The following SPHKAP variants were observed in gnomAD, a reference collection of about 807,000 sequenced individuals.
SPHKAP encodes the protein A-kinase anchor protein SPHKAP.
Under a neutral mutation model 137.5 loss-of-function variants are expected in SPHKAP, and 67 were observed. The observed-to-expected ratio is 0.49, with a 90% confidence interval of 0.40 to 0.60. The LOEUF (loss-of-function observed/expected upper bound fraction) is 0.60. Among genes scored for constraint, SPHKAP ranks in the 20% least tolerant of loss-of-function variants. The pLI is 0.00. For missense variants in SPHKAP, 2,097 were observed against 2,069.3 expected (o/e 1.01, Z -0.26); for synonymous variants, 813 against 785.3 (o/e 1.04, Z -0.59).
chr2:228,082,610 T>C (rs1697398430), intron 3 of SPHKAP, among the ~76,000 whole-genome samples: 1 of 152,148 alleles, frequency 6.6e-6, no homozygotes, highest in African/African-American at 2.4e-5. Context: ...ACAAGGATAT[T>C]GTTCAGTCAC....
At chr2:228,157,977 C>T (rs1324839901) in intron 1 of SPHKAP, among the ~76,000 whole-genome samples, 1 of 152,154 alleles carries the variant, frequency 6.6e-6, no homozygotes, top group South Asian at 2.1e-4. Context: ...TGCATGAGAC[C>T]AATGTGGAAA....
intron 1 of SPHKAP, among the ~76,000 whole-genome samples, chr2:228,174,956 C>A (rs10192586): frequency 0.13 from 18,492 of 147,492 alleles, 1,156 homozygotes; most frequent in East Asian, 0.2. Context: ...GTAGAATGAA[C>A]TTAGCCAAGG....
intron 3 of SPHKAP, among the ~76,000 whole-genome samples, chr2:228,108,367 G>A (rs1698408075): frequency 6.6e-6 from 1 of 152,112 alleles, no homozygotes; most frequent in African/African-American, 2.4e-5. Flanking sequence ...ATATTAAAAT[G>A]TATGACTGTT....
intron 7 of SPHKAP, among the ~76,000 whole-genome samples, chr2:227,997,373 C>G (rs980012158): frequency 6.6e-6 from 1 of 152,128 alleles, no homozygotes; most frequent in African/African-American, 2.4e-5. Context: ...GCTGTAGATT[C>G]CTGTTCCACG....
rs761969836 is a variant in SPHKAP at position 228,018,594 on chromosome 2, A to T, written c.2260T>A (p.Ser754Thr). ...CAAGCTTGACTAGCACCCGGATCAG[A>T]TGGCTGGCAGCTTGGTTCTGTCTCC... ...RRETEPSCQP[S>T]DPGASQAWTK... is the part of the protein sequence containing the mutation. Residue 754 changes from serine (S) to threonine (T), a missense_variant, in exon 7 of 12, where the codon TCT becomes ACT. Ser to Thr is a moderately conservative substitution (Grantham distance 58). Transcript: ENST00000392056. 3 of 1,613,892 alleles carry T rather than the reference A, an allele frequency of 1.9e-6. No individual in the cohort carries two copies. Among genetic ancestry groups the T allele is most frequent in the Admixed American group, 1.7e-5 (1 of 59,992 alleles).
At chr2:228,151,356 C>A (rs555716410) in intron 1 of SPHKAP, among the ~76,000 whole-genome samples, 1 of 151,452 alleles carries the variant, frequency 6.6e-6, no homozygotes, top group South Asian at 2.1e-4. Context: ...GGGTTGGTTC[C>A]AAGTCTTTGC....
chr2:228,019,929 T>G lies in SPHKAP; in HGVS notation c.925A>C (p.Lys309Gln), dbSNP rs779957157. 6.2e-7 allele frequency: 1 copy of G among 1,614,246 alleles called. No individual in the cohort carries two copies. Among genetic ancestry groups the G allele is most frequent in the South Asian group, 1.1e-5 (1 of 91,088 alleles). The change falls in exon 7 of 12, where the codon AAA (lysine) becomes CAA (glutamine). Residue 309 changes from lysine (K) to glutamine (Q), a missense_variant. Coordinates refer to ENST00000392056, the MANE Select transcript of SPHKAP (RefSeq NM_001142644.2). ...CTCCCATTCCCCACAGCTTCTCTTT[T>G]CCACTGTGATGGCTTGGCTGAGGGA... ...LDPSAKPSQWKREAVGNGRQA... is the reference protein window; with the variant it reads ...LDPSAKPSQWQREAVGNGRQA...
At chr2:228,130,265 T>C (rs773362317) in intron 2 of SPHKAP, among the ~76,000 whole-genome samples, 2 of 152,180 alleles carry the variant, frequency 1.3e-5, no homozygotes, top group Non-Finnish European at 2.9e-5. Flanking sequence ...GGAATGGTAA[T>C]ACCTATATGG....
chr2:228,083,525 A>C (rs1559164169), intron 3 of SPHKAP, among the ~76,000 whole-genome samples: 1 of 152,052 alleles, frequency 6.6e-6, no homozygotes, highest in Non-Finnish European at 1.5e-5. Flanking sequence ...CCACTTTTTG[A>C]TGGTCATCTA....
intron 3 of SPHKAP, among the ~76,000 whole-genome samples, chr2:228,033,599 C>A (rs1005366281): frequency 2.0e-5 from 3 of 152,150 alleles, no homozygotes; most frequent in African/African-American, 7.2e-5. Context: ...CCACACCACA[C>A]CTATTCCAAA....
At chr2:228,128,650 T>C (rs1472568812) in intron 2 of SPHKAP, among the ~76,000 whole-genome samples, 1 of 152,212 alleles carries the variant, frequency 6.6e-6, no homozygotes, top group Non-Finnish European at 1.5e-5. Context: ...CCTTATTAAA[T>C]GCAGTTCTTA....
intron 3 of SPHKAP, among the ~76,000 whole-genome samples, chr2:228,069,711 C>T (rs1257629529): frequency 6.6e-6 from 1 of 151,864 alleles, no homozygotes; most frequent in Admixed American, 6.6e-5. Context: ...ATTTAATGCA[C>T]AGATAACGGG....
At chr2:228,032,154 T>C (rs1695354564) in intron 3 of SPHKAP, among the ~76,000 whole-genome samples, 1 of 152,032 alleles carries the variant, frequency 6.6e-6, no homozygotes, top group South Asian at 2.1e-4. Flanking sequence ...GATGAATGGA[T>C]AACTAGAATA....
intron 7 of SPHKAP, among the ~76,000 whole-genome samples, chr2:228,009,225 G>T (rs1177664845): frequency 6.6e-6 from 1 of 152,072 alleles, no homozygotes; most frequent in Non-Finnish European, 1.5e-5. Context: ...TTTCTGATAA[G>T]AAATCTGCAG....
rs767730952 is a variant in SPHKAP, at chr2:228,019,032, T to A, written c.1822A>T (p.Met608Leu). The A allele has an allele frequency of 6.2e-7, 1 of 1,614,094 alleles. No homozygotes were observed. Among genetic ancestry groups the A allele is most frequent in the South Asian group, 1.1e-5 (1 of 91,090 alleles). ...AMPPLCGLAS[M>L]ELGKEAIAKG... ...GCAATGGCTTCCTTGCCAAGCTCCATGCTTGCTAAACCACAAAGTGGGGGC... is the reference window on the plus strand; with the variant it reads ...GCAATGGCTTCCTTGCCAAGCTCCAAGCTTGCTAAACCACAAAGTGGGGGC... Residue 608 changes from methionine to leucine, a missense_variant, in exon 7 of 12, where the codon ATG (methionine) becomes TTG (leucine). Transcript: ENST00000392056.
chr2:228,029,169 T>C (rs1299904759), intron 3 of SPHKAP, among the ~76,000 whole-genome samples: 1 of 152,204 alleles, frequency 6.6e-6, no homozygotes, highest in African/African-American at 2.4e-5. Flanking sequence ...TCTAATACTT[T>C]GCTAGCAATC....
intron 1 of SPHKAP, among the ~76,000 whole-genome samples, chr2:228,141,516 A>G (rs1337689454): frequency 3.9e-5 from 6 of 152,230 alleles, no homozygotes. Context: ...TAAATTGCAT[A>G]AATATTTATT....
At chr2:228,024,898 T>G (rs1399659297) in intron 5 of SPHKAP, among the ~76,000 whole-genome samples, 1 of 152,148 alleles carries the variant, frequency 6.6e-6, no homozygotes. Context: ...ACGTTTGTTT[T>G]GGAGGAGGGA....
At chr2:228,023,142 A>G (rs1038647984) in intron 5 of SPHKAP, among the ~76,000 whole-genome samples, 1 of 152,220 alleles carries the variant, frequency 6.6e-6, no homozygotes, top group African/African-American at 2.4e-5. Context: ...TTTATTGCTC[A>G]TTGGAATCGT....
Sources: allele counts gnomAD v4.1 joint callset (sites outside exome capture counted in the v4.1 genomes callset), GRCh38; gene constraint gnomAD v4.1.1; transcripts MANE v1.5; gene names NCBI Gene and HGNC (gene_info 2026-07-23, HGNC 2026-07-21).